NECAB1: variants seen among roughly 807,000 people sequenced by gnomAD.
The protein encoded by NECAB1 is N-terminal EF-hand calcium-binding protein 1.
A neutral mutation model predicts 57.5 loss-of-function variants in NECAB1; 29 were observed. The observed-to-expected ratio is 0.50, with a 90% CI of 0.38 to 0.69. The LOEUF (loss-of-function observed/expected upper bound fraction) is 0.69. Among genes scored for constraint, NECAB1 ranks in the 30% least tolerant of loss-of-function variants. The pLI is 0.00. For synonymous variants in NECAB1, 142 were observed against 147.7 expected (o/e 0.96, Z 0.28); for missense variants, 372 against 413.8 (o/e 0.90, Z 0.88).
At chr8:90,802,132 G>A (rs1025366119) in intron 2 of NECAB1, among the ~76,000 whole-genome samples, 1 of 152,162 alleles carries the variant, frequency 6.6e-6, no homozygotes, top group Admixed American at 6.5e-5. Context: ...ACGCAAGTCT[G>A]GACTCTCCAC....
Position 90,881,698 on chromosome 8 carries a change from G to A in NECAB1, c.357+568G>A, listed in dbSNP as rs576373570. On this transcript the variant is annotated intron_variant, in intron 5 of 12. Coordinates refer to ENST00000417640, the MANE Select transcript of NECAB1 (RefSeq NM_022351.5). ...CAGAAGCCACTATGCTTCCTGTACA[G>A]CCTGCAGAACTGTGAGCCAATTAAA... Among the ~76,000 whole-genome samples the A allele has an allele frequency of 5.9e-5, 9 of 152,296 alleles. No individual in the cohort carries two copies. In the South Asian group the frequency reaches 1.9e-3, roughly 32 times the overall value.
At chr8:90,918,325 T>G (rs1438885845) in intron 6 of NECAB1, among the ~76,000 whole-genome samples, 1 of 151,902 alleles carries the variant, frequency 6.6e-6, no homozygotes, top group East Asian at 1.9e-4. Context: ...TCAACAAATT[T>G]TAATTGAAAA....
At chr8:90,910,912 C>A (rs151186834) in intron 5 of NECAB1, among the ~76,000 whole-genome samples, 2 of 152,174 alleles carry the variant, frequency 1.3e-5, no homozygotes, top group African/African-American at 4.8e-5. Context: ...CAACACCATG[C>A]AATGCATCTC....
chr8:90,804,280 C>T (rs1271772517), intron 2 of NECAB1, among the ~76,000 whole-genome samples: 5 of 151,694 alleles, frequency 3.3e-5, no homozygotes, highest in Admixed American at 3.3e-4. Context: ...CACAGAAAGA[C>T]AAATACCTCT....
intron 3 of NECAB1, among the ~76,000 whole-genome samples, chr8:90,829,846 C>G (rs1025476968): frequency 2.6e-5 from 4 of 151,858 alleles, no homozygotes; most frequent in Admixed American, 2.6e-4. Context: ...TCTGTAGGGC[C>G]GTTCAGAATA....
At chr8:90,876,804 T>C (rs948400719) in intron 4 of NECAB1, among the ~76,000 whole-genome samples, 2 of 152,202 alleles carry the variant, frequency 1.3e-5, no homozygotes, top group African/African-American at 2.4e-5. Context: ...ATATTCAGAC[T>C]CTACTTTTCA....
chr8:90,902,483 T>TA, intron 5 of NECAB1, among the ~76,000 whole-genome samples: 1 of 152,300 alleles, frequency 6.6e-6, no homozygotes, highest in East Asian at 1.9e-4. Context: ...TCAATTGAAT[T>TA]ACGTTGTACT....
At chr8:90,899,265 C>T (rs1032364614) in intron 5 of NECAB1, among the ~76,000 whole-genome samples, 4 of 152,116 alleles carry the variant, frequency 2.6e-5, no homozygotes, top group African/African-American at 9.7e-5. Flanking sequence ...GTTAAGCATA[C>T]TTAAAACAGT....
chr8:90,835,942 A>C (rs541931115), intron 3 of NECAB1, among the ~76,000 whole-genome samples: 1 of 152,340 alleles, frequency 6.6e-6, no homozygotes, highest in Non-Finnish European at 1.5e-5. Flanking sequence ...CCATTAACAG[A>C]TCTTATCAAA....
chr8:90,796,994 T>C (rs1268087433), intron 1 of NECAB1, among the ~76,000 whole-genome samples: 1 of 152,208 alleles, frequency 6.6e-6, no homozygotes, highest in Non-Finnish European at 1.5e-5. Context: ...TTCAAAATCC[T>C]GAGGACAAAA....
At chr8:90,887,148 A>G (rs1563518374) in intron 5 of NECAB1, among the ~76,000 whole-genome samples, 1 of 152,174 alleles carries the variant, frequency 6.6e-6, no homozygotes, top group Non-Finnish European at 1.5e-5. Flanking sequence ...CAGCTTGAAC[A>G]TCGAGAACCT....
intron 5 of NECAB1, among the ~76,000 whole-genome samples, chr8:90,899,554 G>A (rs1452765531): frequency 6.6e-6 from 1 of 152,176 alleles, no homozygotes; most frequent in Non-Finnish European, 1.5e-5. Context: ...ATTTATTTGA[G>A]CTGGAGCAAG....
At chr8:90,952,751 C>G (rs1221814154) in intron 12 of NECAB1, among the ~76,000 whole-genome samples, 1 of 151,604 alleles carries the variant, frequency 6.6e-6, no homozygotes. Flanking sequence ...GCACTCCAGA[C>G]TGGGCGACAG....
intron 2 of NECAB1, among the ~76,000 whole-genome samples, chr8:90,819,773 T>C (rs1812114427): frequency 6.6e-6 from 1 of 151,922 alleles, no homozygotes; most frequent in South Asian, 2.1e-4. Context: ...GAAAGGTTAG[T>C]ATAAACTATG....
intron 5 of NECAB1, among the ~76,000 whole-genome samples, chr8:90,882,795 G>GT (rs1269433467): frequency 6.6e-6 from 1 of 151,910 alleles, no homozygotes; most frequent in Non-Finnish European, 1.5e-5. Context: ...CTGGTTTTTT[G>GT]TTTTTTTAGG....
At chr8:90,802,414 G>A (rs1487742621) in intron 2 of NECAB1, among the ~76,000 whole-genome samples, 1 of 152,072 alleles carries the variant, frequency 6.6e-6, no homozygotes, top group Admixed American at 6.5e-5. Context: ...TAGAAACTTT[G>A]TCCCAGAGAA....
intron 6 of NECAB1, 55 bp downstream of exon 6, chr8:90,917,683 A>G: frequency 6.7e-7 from 1 of 1,502,360 alleles, no homozygotes; most frequent in Non-Finnish European, 8.9e-7. Flanking sequence ...TTCATGAAAA[A>G]ACAATTGAGA....
At chr8:90,862,021 G>A (rs527281203) in intron 3 of NECAB1, among the ~76,000 whole-genome samples, 6 of 152,206 alleles carry the variant, frequency 3.9e-5, no homozygotes, top group South Asian at 4.2e-4. Flanking sequence ...ACTCTTTTCC[G>A]TATCAGATAC....
intron 2 of NECAB1, among the ~76,000 whole-genome samples, chr8:90,819,576 A>G (rs1311249784): frequency 6.6e-6 from 1 of 151,940 alleles, no homozygotes; most frequent in Non-Finnish European, 1.5e-5. Flanking sequence ...CAAAAGGACT[A>G]AGTCTGGCAG....
Sources: allele counts gnomAD v4.1 joint callset (sites outside exome capture counted in the v4.1 genomes callset), GRCh38; gene constraint gnomAD v4.1.1; transcripts MANE v1.5; gene names NCBI Gene and HGNC (gene_info 2026-07-23, HGNC 2026-07-21).